TRPV3: variants seen among roughly 807,000 people sequenced by gnomAD.
The protein encoded by TRPV3 is VRL-3.
A neutral mutation model predicts 87.1 loss-of-function variants in TRPV3; 88 were observed. The ratio of observed to expected loss-of-function variants is 1.01; its 90% CI spans 0.85 to 1.21. The LOEUF is 1.21. Among genes scored for constraint, TRPV3 ranks in the 50% most tolerant of loss-of-function variants. The pLI is 0.00. For missense variants in TRPV3, 1,054 were observed against 1,030.1 expected, an observed-to-expected ratio of 1.02 and a Z score of -0.32; for synonymous variants, 438 against 423.3, an observed-to-expected ratio of 1.03 and a Z score of -0.43.
At chr17:3,554,956 C>G (rs2074613633) in intron 1 of TRPV3, 104 bp from the exon 2 acceptor site, 2 of 654,342 alleles carry the variant, frequency 3.1e-6, no homozygotes, top group African/African-American at 1.8e-5. Context: ...TTCACACTAC[C>G]TGGAACTGGA....
At chr17:3,547,157 C>T (rs1199175595) in intron 2 of TRPV3, among the ~76,000 whole-genome samples, 15 of 152,228 alleles carry the variant, frequency 9.9e-5, no homozygotes, top group Non-Finnish European at 1.5e-5. Context: ...ACCACCTACC[C>T]ACCCTCAGGC....
At chr17:3,533,983 C>CA (rs2074375201) in intron 7 of TRPV3, among the ~76,000 whole-genome samples, 1 of 152,066 alleles carries the variant, frequency 6.6e-6, no homozygotes, top group South Asian at 2.1e-4. Context: ...AGTAAGTGCT[C>CA]AATAAATGCT....
intron 2 of TRPV3, chr17:3,546,838 T>C (rs401464): frequency 0.31 from 102,633 of 332,926 alleles, 17,029 homozygotes; most frequent in Non-Finnish European, 0.36. Context: ...TGTGGTGGTA[T>C]GCGCCTGTAA....
intron 13 of TRPV3, among the ~76,000 whole-genome samples, chr17:3,522,002 G>A (rs1366277318): frequency 6.6e-6 from 1 of 152,150 alleles, no homozygotes; most frequent in Non-Finnish European, 1.5e-5. Context: ...CTTGAACCCA[G>A]GAGGAAGGGG....
At chr17:3,551,763 G>C (rs981067695) in intron 2 of TRPV3, among the ~76,000 whole-genome samples, 1 of 151,146 alleles carries the variant, frequency 6.6e-6, no homozygotes, top group Non-Finnish European at 1.5e-5. Context: ...GCACTCCCAG[G>C]TCCAAAAGTG....
At chr17:3,545,138 C>A in intron 3 of TRPV3, 29 bp downstream of exon 3, 2 of 1,558,638 alleles carry the variant, frequency 1.3e-6, no homozygotes, top group Non-Finnish European at 1.8e-6. Context: ...GGGCCCAGGG[C>A]AAGGGGTTGG....
In TRPV3 at chr17:3,528,224, C is replaced by T. The variant is rs1407867727; in HGVS notation, c.1402-98G>A. 4.6e-5 allele frequency: 39 copies of T among 852,822 alleles called. No homozygotes were observed. The highest frequency in any genetic ancestry group is 4.3e-4 in the East Asian group (16 of 36,986). The allele number at this position is 852,822 out of a possible 1,614,324, so 52.8% of individuals were successfully genotyped here. A position where few individuals can be genotyped will look rare whatever the true frequency, so the allele number is the denominator to read the frequency against. ...CAAAACCCAGGTGAAACACTCAAGCCGGGCCAGAGACCAGCATGAAACCTG... is the reference window on the plus strand; with the variant it reads ...CAAAACCCAGGTGAAACACTCAAGCTGGGCCAGAGACCAGCATGAAACCTG... On this transcript the variant is annotated intron_variant, in intron 10 of 17. Coordinates refer to ENST00000576742, the MANE Select transcript of TRPV3 (RefSeq NM_145068.4). The surrounding 1 kb of genome is among the most constrained non-coding windows in gnomAD (Gnocchi z 4.2).
chr17:3,519,602 C>T (rs1453629019), intron 14 of TRPV3, among the ~76,000 whole-genome samples: 1 of 93,684 alleles, frequency 1.1e-5, no homozygotes, highest in African/African-American at 4.9e-5. Context: ...GGATGGATGA[C>T]TGGATGGATG....
At chr17:3,541,632 A>G (rs577363354) in intron 6 of TRPV3, among the ~76,000 whole-genome samples, 17 of 152,214 alleles carry the variant, frequency 1.1e-4, no homozygotes, top group South Asian at 2.1e-4. Flanking sequence ...CTGAGACCCA[A>G]ATGGGGACAG....
intron 14 of TRPV3, among the ~76,000 whole-genome samples, chr17:3,519,330 G>T (rs1567630285): frequency 6.6e-6 from 1 of 151,316 alleles, no homozygotes; most frequent in Admixed American, 6.6e-5. Flanking sequence ...ATGGTTGGAT[G>T]GATGGATGGA....
At chr17:3,526,627 C>T (rs951277082) in intron 12 of TRPV3, among the ~76,000 whole-genome samples, 7 of 152,170 alleles carry the variant, frequency 4.6e-5, no homozygotes, top group African/African-American at 1.4e-4. Context: ...GAATTACAGG[C>T]GTGAGCCACT....
chr17:3,532,277 G>A (rs990893029), intron 8 of TRPV3, among the ~76,000 whole-genome samples: 4 of 152,236 alleles, frequency 2.6e-5, no homozygotes, highest in African/African-American at 7.2e-5. Context: ...GCATATTAGC[G>A]CTGCGCCCGC....
intron 11 of TRPV3, 136 bp from the exon 12 acceptor site, chr17:3,527,063 G>C: frequency 1.5e-6 from 1 of 685,852 alleles, no homozygotes; most frequent in Non-Finnish European, 2.6e-6. Context: ...CCAGGTGGCG[G>C]ATCTGAAAGG....
intron 2 of TRPV3, among the ~76,000 whole-genome samples, chr17:3,551,652 C>T (rs1421472337): frequency 6.9e-6 from 1 of 145,912 alleles, no homozygotes; most frequent in African/African-American, 2.4e-5. Context: ...TCCACAGCCT[C>T]CATCAGTCTG....
rs988852210 is a variant in TRPV3 at position 3,532,692 on chromosome 17, G to C, written c.1030C>G (p.Pro344Ala). Residue 344 changes from proline (P) to alanine (A), a missense_variant, in exon 8 of 18, where the codon CCG becomes GCG. Physicochemically the swap from Pro to Ala is conservative, Grantham distance 27. Coordinates refer to ENST00000576742, the MANE Select transcript of TRPV3 (RefSeq NM_145068.4). ...CCCATCTTGGCGGCCAGCTGCAGCG[G>C]CGTGAGGCCATCGTTGTTGCGAGTG... ...ETTRNNDGLTPLQLAAKMGKA... is the reference protein window; with the variant it reads ...ETTRNNDGLTALQLAAKMGKA... The C allele has an allele frequency of 1.2e-5, 20 of 1,614,246 alleles. No individual in the cohort carries two copies. The highest frequency in any genetic ancestry group is 1.7e-5 in the Non-Finnish European group (20 of 1,180,046).
At chr17:3,519,565 G>T (rs368170932) in intron 14 of TRPV3, among the ~76,000 whole-genome samples, 1 of 143,682 alleles carries the variant, frequency 7.0e-6, no homozygotes, top group South Asian at 2.3e-4. Flanking sequence ...TTGATCGATG[G>T]ATGGATGGAT....
At chr17:3,551,969 G>A (rs1205855657) in intron 2 of TRPV3, among the ~76,000 whole-genome samples, 18 of 118,232 alleles carry the variant, frequency 1.5e-4, no homozygotes, top group African/African-American at 4.9e-4. Context: ...TGCAACTTCC[G>A]CCTCCCAAAT....
At chr17:3,541,279 A>T (rs2074457443) in intron 6 of TRPV3, among the ~76,000 whole-genome samples, 1 of 152,304 alleles carries the variant, frequency 6.6e-6, no homozygotes, top group East Asian at 1.9e-4. Context: ...GAGGCAGGAG[A>T]ATCGCTTGAA....
At chr17:3,540,058 A>G (rs1360119519) in intron 6 of TRPV3, among the ~76,000 whole-genome samples, 1 of 146,288 alleles carries the variant, frequency 6.8e-6, no homozygotes, top group African/African-American at 2.5e-5. Context: ...ACTCCATCTC[A>G]AAAAATAAAT....
Sources: gnomAD v4.1 joint callset for allele counts (sites outside exome capture counted in the v4.1 genomes callset) on GRCh38, gnomAD v4.1.1 for gene constraint, Gnocchi (gnomAD v3.1) non-coding constraint, MANE v1.5 for transcripts, NCBI Gene and HGNC (gene_info 2026-07-23, HGNC 2026-07-21) for gene names.